KIF6: variants seen among roughly 807,000 people sequenced by gnomAD.
The protein encoded by KIF6 is kinesin family member 6.
A neutral mutation model predicts 112.7 loss-of-function variants in KIF6; 106 were observed. That is an observed-to-expected ratio of 0.94 (90% CI 0.80 to 1.11). The LOEUF is 1.11. KIF6 is among the 50% of genes least tolerant of loss of function. The pLI is 0.00. For synonymous variants in KIF6, 339 were observed against 339.9 expected, an observed-to-expected ratio of 1.00 and a Z score of 0.03; for missense variants, 929 against 964.0, an observed-to-expected ratio of 0.96 and a Z score of 0.48.
intron 5 of KIF6, among the ~76,000 whole-genome samples, chr6:39,616,722 C>T (rs1480504736): frequency 6.6e-6 from 1 of 152,214 alleles, no homozygotes; most frequent in Non-Finnish European, 1.5e-5. Flanking sequence ...GCGTCAGCCC[C>T]ACCTATGTTC....
intron 16 of KIF6, among the ~76,000 whole-genome samples, chr6:39,377,702 A>G (rs1766564106): frequency 6.6e-6 from 1 of 152,204 alleles, no homozygotes; most frequent in Non-Finnish European, 1.5e-5. Context: ...AAACTAGAAC[A>G]ACGCAGTGAA....
At chr6:39,648,225 G>GT (rs1199733431) in intron 3 of KIF6, among the ~76,000 whole-genome samples, 1 of 73,006 alleles carries the variant, frequency 1.4e-5, no homozygotes, top group African/African-American at 5.4e-5. Context: ...GGGGCGGGCG[G>GT]GGGGGGGTGC....
At chr6:39,619,474 C>T (rs895951384) in intron 5 of KIF6, among the ~76,000 whole-genome samples, 2 of 152,096 alleles carry the variant, frequency 1.3e-5, no homozygotes, top group African/African-American at 4.8e-5. Flanking sequence ...ATTGAAATAA[C>T]CAATGGATAA....
chr6:39,534,211 A>G (rs907725663), intron 13 of KIF6, among the ~76,000 whole-genome samples: 3 of 152,194 alleles, frequency 2.0e-5, no homozygotes, highest in Non-Finnish European at 4.4e-5. Context: ...AGCTGGACGG[A>G]GAATGACTTT....
At chr6:39,626,338 A>G (rs909477780) in intron 5 of KIF6, among the ~76,000 whole-genome samples, 5 of 152,134 alleles carry the variant, frequency 3.3e-5, no homozygotes, top group Non-Finnish European at 5.9e-5. Flanking sequence ...GCTCACCCAG[A>G]CTGACACAAG....
At chr6:39,376,992 G>A (rs114320659) in intron 16 of KIF6, among the ~76,000 whole-genome samples, 5,446 of 152,284 alleles carry the variant, frequency 0.036, 171 homozygotes, top group Non-Finnish European at 0.048. Flanking sequence ...AAGGGGCTGT[G>A]GAGACCATCT....
At chr6:39,663,415 G>A (rs182355271) in intron 3 of KIF6, among the ~76,000 whole-genome samples, 1 of 152,204 alleles carries the variant, frequency 6.6e-6, no homozygotes, top group East Asian at 1.9e-4. Context: ...TGCAGAGTTA[G>A]AAATAAAAGT....
chr6:39,451,235 G>C (rs1014744527), intron 13 of KIF6, among the ~76,000 whole-genome samples: 3 of 152,124 alleles, frequency 2.0e-5, no homozygotes, highest in Non-Finnish European at 4.4e-5. Context: ...GTTCTACTGA[G>C]GGCAACAGAC....
chr6:39,526,990 C>T (rs1200493512), intron 13 of KIF6, among the ~76,000 whole-genome samples: 2 of 152,164 alleles, frequency 1.3e-5, no homozygotes, highest in Non-Finnish European at 2.9e-5. Flanking sequence ...TCTCTGGTTG[C>T]TTTATGAGTG....
chr6:39,578,334 T>C (rs1288706765), intron 9 of KIF6, among the ~76,000 whole-genome samples, 175 bp from the exon 10 acceptor site: 2 of 149,456 alleles, frequency 1.3e-5, no homozygotes, highest in Admixed American at 6.6e-5. Flanking sequence ...TCTAGATTTT[T>C]TTTTTTTTTT....
chr6:39,419,688 A>G (rs1257888217), intron 15 of KIF6, among the ~76,000 whole-genome samples: 2 of 152,044 alleles, frequency 1.3e-5, no homozygotes, highest in African/African-American at 4.8e-5. Flanking sequence ...GAAAAGCACA[A>G]CTCTCTGATT....
At chr6:39,613,687 C>G (rs1783346049) in intron 5 of KIF6, among the ~76,000 whole-genome samples, 1 of 152,172 alleles carries the variant, frequency 6.6e-6, no homozygotes, top group Non-Finnish European at 1.5e-5. Flanking sequence ...GATTCAGTTT[C>G]TTACATAGGC....
chr6:39,557,945 T>C (rs113206446), intron 10 of KIF6, among the ~76,000 whole-genome samples: 19,330 of 147,582 alleles, frequency 0.13, 1,346 homozygotes, highest in Middle Eastern at 0.23. Context: ...TCTATCCCCC[T>C]TTTTTTTTTG....
At chr6:39,511,054 T>G (rs145700815) in intron 13 of KIF6, among the ~76,000 whole-genome samples, 4,007 of 152,044 alleles carry the variant, frequency 0.026, 54 homozygotes, top group South Asian at 0.052. Context: ...AGCACCCAGA[T>G]TCATAAAGCA....
intron 5 of KIF6, among the ~76,000 whole-genome samples, chr6:39,616,232 C>T (rs1783512206): frequency 6.6e-6 from 1 of 152,194 alleles, no homozygotes; most frequent in Non-Finnish European, 1.5e-5. Context: ...CACCCAGAGC[C>T]TTTGATCTCC....
intron 13 of KIF6, among the ~76,000 whole-genome samples, chr6:39,508,493 G>A (rs746255812): frequency 1.6e-4 from 24 of 152,138 alleles, no homozygotes; most frequent in Non-Finnish European, 3.1e-4. Flanking sequence ...TTGGAGGAAT[G>A]GTACACTTCT....
intron 16 of KIF6, among the ~76,000 whole-genome samples, chr6:39,372,044 C>T (rs1383900828): frequency 6.6e-6 from 1 of 152,222 alleles, no homozygotes; most frequent in Non-Finnish European, 1.5e-5. Flanking sequence ...AGAGAGATGA[C>T]TATTTCCCTC....
chr6:39,425,834 A>G (rs1291328889), intron 14 of KIF6, among the ~76,000 whole-genome samples: 1 of 151,238 alleles, frequency 6.6e-6, no homozygotes, highest in Non-Finnish European at 1.5e-5. Flanking sequence ...GGTTAAAATG[A>G]AAGTCTAATG....
chr6:39,548,280 A>G (rs1013610424), intron 10 of KIF6, among the ~76,000 whole-genome samples: 1 of 152,200 alleles, frequency 6.6e-6, no homozygotes, highest in Non-Finnish European at 1.5e-5. Context: ...GAGCTGGACC[A>G]CTCACAGATT....
Sources: gnomAD v4.1 joint callset for allele counts (sites outside exome capture counted in the v4.1 genomes callset) on GRCh38, gnomAD v4.1.1 for gene constraint, MANE v1.5 for transcripts, NCBI Gene and HGNC (gene_info 2026-07-23, HGNC 2026-07-21) for gene names.